Variants in HCN1 observed in about 807,000 individuals in gnomAD.
HCN1 encodes the protein potassium/sodium hyperpolarization-activated cyclic nucleotide-gated channel 1.
In HCN1, 13 loss-of-function variants were observed where a neutral mutation model predicts 78.9. That is an observed-to-expected ratio of 0.16 (90% CI 0.11 to 0.26). The LOEUF (loss-of-function observed/expected upper bound fraction) is 0.26. Ranked by LOEUF, HCN1 falls within the 10% of genes least tolerant of loss-of-function variation. The probability of loss-of-function intolerance (pLI) is 1.00; values close to 1 mark genes in which losing one functional copy is unlikely to be tolerated. For missense variants in HCN1, 810 were observed against 1,154.3 expected, an observed-to-expected ratio of 0.70 and a Z score of 4.32; for synonymous variants, 552 against 455.5, an observed-to-expected ratio of 1.21 and a Z score of -2.70.
At chr5:45,646,555 T>G (rs1398039587) in intron 1 of HCN1, among the ~76,000 whole-genome samples, 1 of 151,806 alleles carries the variant, frequency 6.6e-6, no homozygotes, top group Non-Finnish European at 1.5e-5. Flanking sequence ...ATCTTTAACA[T>G]TTCTAATTTA....
intron 5 of HCN1, among the ~76,000 whole-genome samples, chr5:45,347,394 C>T (rs926438786): frequency 2.6e-5 from 4 of 152,040 alleles, no homozygotes; most frequent in African/African-American, 7.2e-5. Flanking sequence ...GAACAAAAGT[C>T]GATAAAACCA....
chr5:45,256,694 G>GT lies in HCN1; in HGVS notation c.*5226dup, dbSNP rs1744622385. On this transcript the variant is annotated 3_prime_UTR_variant, in exon 8 of 8. Coordinates refer to ENST00000303230, the MANE Select transcript of HCN1 (RefSeq NM_021072.4). ...ACAGGAATACACCACCTATAGTCGG[G>GT]TTTTCTAAACACTGCAGGTATGTAA... The GT allele has an allele frequency of 6.6e-6, 1 of 152,090 alleles. No homozygotes were observed. The highest frequency in any genetic ancestry group is 1.5e-5 in the Non-Finnish European group (1 of 68,020). 9.4% of individuals were successfully genotyped at this position (152,090 alleles called of 1,614,324 possible). A position where few individuals can be genotyped will look rare whatever the true frequency, so the allele number is the denominator to read the frequency against.
intron 3 of HCN1, among the ~76,000 whole-genome samples, chr5:45,448,524 A>G (rs1371750640): frequency 6.6e-6 from 1 of 152,210 alleles, no homozygotes; most frequent in Admixed American, 6.5e-5. Flanking sequence ...CTTTGAAACT[A>G]ACATTTTGTC....
intron 2 of HCN1, chr5:45,641,633 A>C (rs537777043): frequency 6.6e-6 from 1 of 152,182 alleles, no homozygotes; most frequent in African/African-American, 2.4e-5. Flanking sequence ...ACTTTTTAAA[A>C]TTAAGAAGAA....
chr5:45,607,774 A>G (rs542019654), intron 2 of HCN1, among the ~76,000 whole-genome samples: 1 of 151,748 alleles, frequency 6.6e-6, no homozygotes, highest in Non-Finnish European at 1.5e-5. Flanking sequence ...CAAAAGCAAC[A>G]GGGATAATAT....
intron 3 of HCN1, among the ~76,000 whole-genome samples, chr5:45,443,420 T>A (rs918691957): frequency 5.9e-5 from 9 of 152,066 alleles, no homozygotes; most frequent in Admixed American, 4.6e-4. Context: ...GAGTCACAGG[T>A]GTTTGGTTGG....
intron 2 of HCN1, among the ~76,000 whole-genome samples, chr5:45,567,675 C>A (rs1743737549): frequency 6.7e-6 from 1 of 149,634 alleles, no homozygotes; most frequent in African/African-American, 2.5e-5. Flanking sequence ...CAAAAAGTGC[C>A]CTTTGGAAAA....
intron 2 of HCN1, among the ~76,000 whole-genome samples, chr5:45,557,750 G>A (rs776364151): frequency 1.3e-5 from 2 of 151,892 alleles, no homozygotes; most frequent in Non-Finnish European, 2.9e-5. Flanking sequence ...TAATTTCTTT[G>A]AGGTGCCATG....
intron 2 of HCN1, among the ~76,000 whole-genome samples, chr5:45,557,052 C>G (rs1283371932): frequency 6.6e-6 from 1 of 152,084 alleles, no homozygotes; most frequent in Non-Finnish European, 1.5e-5. Context: ...TGTCTCACTT[C>G]TCTTTTGAAA....
rs542186488 is a variant in HCN1, at chr5:45,349,096, C to A, written c.1377+4004G>T. Among the ~76,000 whole-genome samples, 1,054 of 152,170 alleles carry A rather than the reference C, an allele frequency of 6.9e-3. 14 individuals are homozygous for A. The highest frequency in any genetic ancestry group is 0.024 in the African/African-American group (993 of 41,522). ...TTTTTTTCAGCACCACACCACACCTCTTCCAAAATTGACCACATACTTGGA... is the reference window on the plus strand; with the variant it reads ...TTTTTTTCAGCACCACACCACACCTATTCCAAAATTGACCACATACTTGGA... On this transcript the variant is annotated intron_variant, in intron 5 of 7. Transcript: ENST00000303230.
chr5:45,648,880 C>T (rs951813856), intron 1 of HCN1, among the ~76,000 whole-genome samples: 7 of 151,846 alleles, frequency 4.6e-5, no homozygotes, highest in Non-Finnish European at 1.0e-4. Context: ...TCCCACCACT[C>T]CCAAAGCAAC....
intron 4 of HCN1, among the ~76,000 whole-genome samples, chr5:45,356,822 T>G (rs1384052258): frequency 6.6e-6 from 1 of 152,068 alleles, no homozygotes; most frequent in African/African-American, 2.4e-5. Context: ...GATTATAACT[T>G]TGTTCCTATA....
At chr5:45,504,399 C>T (rs975298495) in intron 2 of HCN1, among the ~76,000 whole-genome samples, 1 of 151,996 alleles carries the variant, frequency 6.6e-6, no homozygotes, top group African/African-American at 2.4e-5. Context: ...TGGTTTCCAG[C>T]TCATCCATGT....
chr5:45,286,221 C>A (rs921902267), intron 6 of HCN1, among the ~76,000 whole-genome samples: 8 of 151,728 alleles, frequency 5.3e-5, no homozygotes, highest in Non-Finnish European at 8.8e-5. Flanking sequence ...AAAATATATA[C>A]CTTATTAGAA....
At chr5:45,422,102 T>G (rs752956313) in intron 3 of HCN1, among the ~76,000 whole-genome samples, 1 of 152,156 alleles carries the variant, frequency 6.6e-6, no homozygotes, top group Non-Finnish European at 1.5e-5. Flanking sequence ...TGCCCATGTG[T>G]GGAAGAAAGG....
chr5:45,362,154 TTGTGTGTGTGTGTGTG>T (rs200176463), intron 4 of HCN1, among the ~76,000 whole-genome samples: 1 of 142,562 alleles, frequency 7.0e-6, no homozygotes, highest in East Asian at 2.0e-4. Context: ...GTGTGTGTGT[TTGTGTGTGTGTGTGTG>T]TGTGTGTGTG....
intron 3 of HCN1, among the ~76,000 whole-genome samples, chr5:45,443,174 A>G (rs1740717116): frequency 1.3e-5 from 2 of 152,058 alleles, no homozygotes; most frequent in African/African-American, 4.8e-5. Flanking sequence ...TAACCATAAT[A>G]TATTCAATTG....
chr5:45,551,450 C>T (rs1344660034), intron 2 of HCN1, among the ~76,000 whole-genome samples: 1 of 151,178 alleles, frequency 6.6e-6, no homozygotes, highest in Admixed American at 6.6e-5. Context: ...TGAATGATAT[C>T]CCAAGATACT....
chr5:45,280,382 T>C (rs1745133795), intron 6 of HCN1, among the ~76,000 whole-genome samples: 1 of 152,184 alleles, frequency 6.6e-6, no homozygotes, highest in African/African-American at 2.4e-5. Context: ...TTGACTAATA[T>C]TAACTTCTCC....
Sources: gnomAD v4.1 joint callset for allele counts (sites outside exome capture counted in the v4.1 genomes callset) on GRCh38, gnomAD v4.1.1 for gene constraint, MANE v1.5 for transcripts, NCBI Gene and HGNC (gene_info 2026-07-23, HGNC 2026-07-21) for gene names.